Variants in IRAK2 observed in about 807,000 individuals in gnomAD.
The protein encoded by IRAK2 is interleukin 1 receptor associated kinase 2, also known as interleukin-1 receptor-associated kinase-like 2.
A neutral mutation model predicts 72.0 loss-of-function variants in IRAK2; 57 were observed. The observed-to-expected ratio is 0.79, with a 90% CI of 0.64 to 0.99. The LOEUF is 0.99. Ranked by LOEUF, IRAK2 falls within the 50% of genes least tolerant of loss-of-function variation. IRAK2 has a pLI of 0.00. For synonymous variants in IRAK2, 293 were observed against 312.7 expected (o/e 0.94, Z 0.67); for missense variants, 790 against 794.4 (o/e 0.99, Z 0.07).
Position 10,216,922 on chromosome 3 carries a change from G to T in IRAK2, c.789-12G>T, listed in dbSNP as rs376073605. On this transcript the variant is annotated splice_polypyrimidine_tract_variant and intron_variant, in intron 6 of 12. Transcript: ENST00000256458. ...TCTGACTCCTCACACCTGCACTGAC[G>T]CCCGATTCCAGATGCTGCCACCCCA... 1 of 1,603,572 alleles carries T rather than the reference G, an allele frequency of 6.2e-7. No homozygotes were observed. Among genetic ancestry groups the T allele is most frequent in the Admixed American group, 1.7e-5 (1 of 59,972 alleles).
intron 8 of IRAK2, 148 bp from the exon 9 acceptor site, chr3:10,222,488 C>T: frequency 1.5e-6 from 1 of 648,786 alleles, no homozygotes; most frequent in Admixed American, 2.7e-5. Flanking sequence ...CCAGTCAGGG[C>T]TGGCTCAGAA....
In IRAK2 at chr3:10,237,904, G is replaced by A. The variant is rs1260793769; in HGVS notation, c.1474-844G>A. ...AGATGAGATTTGTTATTGTTATTAC[G>A]GGTATAAGGGTATGTATGTGTGCTC... On this transcript the variant is annotated intron_variant, in intron 11 of 12. Coordinates refer to ENST00000256458, the MANE Select transcript of IRAK2 (RefSeq NM_001570.4). Among the ~76,000 whole-genome samples the A allele has an allele frequency of 5.3e-5, 8 of 150,192 alleles. No homozygotes were observed. The South Asian group carries it at 1.3e-3, about 24-fold the overall frequency.
intron 10 of IRAK2, among the ~76,000 whole-genome samples, chr3:10,233,555 G>A (rs544670807): frequency 6.6e-6 from 1 of 152,120 alleles, no homozygotes; most frequent in African/African-American, 2.4e-5. Flanking sequence ...TAAAATATAT[G>A]TAAATACAAA....
Position 10,177,879 on chromosome 3 carries a change from A to C in IRAK2, c.136A>C (p.Lys46Gln). 1 of 1,613,766 alleles carries C rather than the reference A, an allele frequency of 6.2e-7. No homozygotes were observed. Among genetic ancestry groups the C allele is most frequent in the Non-Finnish European group, 8.5e-7 (1 of 1,180,040 alleles). Residue 46 changes from lysine to glutamine, a missense_variant, in exon 2 of 13, where the codon AAG becomes CAG. Lys to Gln is a moderately conservative substitution (Grantham distance 53). Transcript: ENST00000256458. ...AGACCTGACCCAGCTGCGGAAGATC[A>C]AGTCCATGGAGCGGGTGCAGGGTGT... Reference protein sequence around the residue: ...ITDLTQLRKIKSMERVQGVSI... With the variant: ...ITDLTQLRKIQSMERVQGVSI...
At chr3:10,178,799 C>A (rs1006311243) in intron 2 of IRAK2, among the ~76,000 whole-genome samples, 1 of 151,908 alleles carries the variant, frequency 6.6e-6, no homozygotes, top group Non-Finnish European at 1.5e-5. Context: ...TCTGCAATTC[C>A]TTTTTTAAAA....
chr3:10,206,963 C>T (rs1407439350), intron 3 of IRAK2, among the ~76,000 whole-genome samples: 1 of 151,768 alleles, frequency 6.6e-6, no homozygotes, highest in Non-Finnish European at 1.5e-5. Flanking sequence ...AAGCAATTCT[C>T]CTGCCTTAGC....
At chr3:10,207,849 C>T (rs531406418) in intron 3 of IRAK2, among the ~76,000 whole-genome samples, 8 of 151,974 alleles carry the variant, frequency 5.3e-5, no homozygotes, top group Non-Finnish European at 5.9e-5. Flanking sequence ...AAAAATTAGC[C>T]GGCATCATGG....
rs1303418129 is a variant in IRAK2, at chr3:10,200,396, C to G, written c.305C>G (p.Pro102Arg). The G allele has an allele frequency of 3.1e-6, 5 of 1,598,942 alleles. No individual in the cohort carries two copies. Among genetic ancestry groups the G allele is most frequent in the Admixed American group, 1.7e-5 (1 of 58,674 alleles). Residue 102 changes from proline (P) to arginine (R), a missense_variant, in exon 3 of 13, where the codon CCC (proline) becomes CGC (arginine). By Grantham distance (103) the Pro-to-Arg change is moderately radical. Transcript: ENST00000256458. ...AAACCGGCTCCTGAAATCAGGTGTC[C>G]CATTCCAGCCTTCCCTGACTCTGTG... Reference protein sequence around the residue: ...NWKPAPEIRCPIPAFPDSVKP... With the variant: ...NWKPAPEIRCRIPAFPDSVKP...
At chr3:10,186,527 A>G (rs1697077466) in intron 2 of IRAK2, among the ~76,000 whole-genome samples, 1 of 151,826 alleles carries the variant, frequency 6.6e-6, no homozygotes, top group South Asian at 2.1e-4. Context: ...CCTTGAAGCC[A>G]CCTGAAACAG....
chr3:10,200,286 G>T, intron 2 of IRAK2, 83 bp from the exon 3 acceptor site: 4 of 1,229,642 alleles, frequency 3.3e-6, no homozygotes, highest in Non-Finnish European at 4.5e-6. Context: ...TTAGAACCCA[G>T]GTCTCTGACT....
chr3:10,177,960 C>T lies in IRAK2; in HGVS notation c.217C>T (p.Gln73Ter). The change falls in exon 2 of 13, where the codon CAA (glutamine) becomes TAA (stop). Residue 73 changes from glutamine to a stop codon, truncating the protein, a stop_gained. Transcript: ENST00000256458. LOFTEE classifies it high-confidence loss of function. ...WWGMRQATVQ[Q>*]LVDLLCRLEL... ...GGGCATGCGGCAGGCCACCGTCCAG[C>T]AACTTGTGGACCTCCTGTGCCGCCT... 1.2e-6 allele frequency: 2 copies of T among 1,613,802 alleles called. No homozygotes were observed. Among genetic ancestry groups the T allele is most frequent in the East Asian group, 4.5e-5 (2 of 44,860 alleles).
chr3:10,209,157 A>G (rs1051072658), intron 3 of IRAK2, among the ~76,000 whole-genome samples: 21 of 152,098 alleles, frequency 1.4e-4, no homozygotes, highest in African/African-American at 5.1e-4. Flanking sequence ...GAGGATAGTT[A>G]CTGCATCCCT....
At chr3:10,186,857 T>C (rs1204545836) in intron 2 of IRAK2, among the ~76,000 whole-genome samples, 1 of 146,424 alleles carries the variant, frequency 6.8e-6, no homozygotes, top group African/African-American at 2.6e-5. Context: ...AGTGGGGCAG[T>C]GGTACAATCT....
chr3:10,165,145 C>A, intron 1 of IRAK2, 97 bp downstream of exon 1: 1 of 1,052,038 alleles, frequency 9.5e-7, no homozygotes. Context: ...CACCCGGGTT[C>A]AGCGGGTCCC....
chr3:10,187,424 C>T (rs886489684), intron 2 of IRAK2, among the ~76,000 whole-genome samples: 8 of 152,162 alleles, frequency 5.3e-5, no homozygotes, highest in Non-Finnish European at 1.2e-4. Context: ...GGAATACTGC[C>T]TTTGTGTCCT....
At chr3:10,204,608 G>A (rs889508681) in intron 3 of IRAK2, among the ~76,000 whole-genome samples, 2 of 152,120 alleles carry the variant, frequency 1.3e-5, no homozygotes, top group African/African-American at 4.8e-5. Context: ...AATTAGCTAG[G>A]CATGGTCTCA....
At chr3:10,165,799 A>C (rs1019185140) in intron 1 of IRAK2, among the ~76,000 whole-genome samples, 4 of 134,380 alleles carry the variant, frequency 3.0e-5, no homozygotes, top group South Asian at 4.6e-4. Flanking sequence ...GGCGCGATCT[A>C]GGCTCGTTGC....
intron 3 of IRAK2, among the ~76,000 whole-genome samples, chr3:10,206,374 G>T (rs936937287): frequency 6.6e-6 from 1 of 152,112 alleles, no homozygotes; most frequent in Non-Finnish European, 1.5e-5. Context: ...GGGGTCTCCA[G>T]CTCGCATTCT....
At chr3:10,171,417 C>T (rs1001979557) in intron 1 of IRAK2, among the ~76,000 whole-genome samples, 12 of 152,088 alleles carry the variant, frequency 7.9e-5, no homozygotes, top group African/African-American at 2.9e-4. Flanking sequence ...TTAGGGCTTT[C>T]CTCATCCCCC....
Sources: gnomAD v4.1 joint callset for allele counts (sites outside exome capture counted in the v4.1 genomes callset) on GRCh38, gnomAD v4.1.1 for gene constraint, MANE v1.5 for transcripts, NCBI Gene and HGNC (gene_info 2026-07-23, HGNC 2026-07-21) for gene names.